Variants in MGMT observed in about 807,000 individuals in gnomAD.
The protein encoded by MGMT is methylated-DNA--protein-cysteine methyltransferase.
A neutral mutation model predicts 15.9 loss-of-function variants in MGMT; 14 were observed. The ratio of observed to expected loss-of-function variants is 0.88; its 90% CI spans 0.58 to 1.37. MGMT has a LOEUF of 1.37. Among genes scored for constraint, MGMT ranks in the 40% most tolerant of loss-of-function variants. The pLI is 0.00. For synonymous variants in MGMT, 130 were observed against 118.2 expected (o/e 1.10, Z -0.65); for missense variants, 282 against 268.1 (o/e 1.05, Z -0.36).
chr10:129,675,903 C>A (rs1847779968), intron 2 of MGMT, among the ~76,000 whole-genome samples: 1 of 152,146 alleles, frequency 6.6e-6, no homozygotes, highest in Non-Finnish European at 1.5e-5. Context: ...GGTCCCTTTT[C>A]CTTAAATCAA....
chr10:129,744,314 G>C (rs1848669241), intron 3 of MGMT, among the ~76,000 whole-genome samples: 1 of 152,238 alleles, frequency 6.6e-6, no homozygotes, highest in Non-Finnish European at 1.5e-5. Context: ...CTGGGCAGCT[G>C]TGCACAAGCT....
At chr10:129,610,347 C>T (rs1379209125) in intron 2 of MGMT, among the ~76,000 whole-genome samples, 1 of 152,206 alleles carries the variant, frequency 6.6e-6, no homozygotes, top group Non-Finnish European at 1.5e-5. Context: ...TCTCTAAACT[C>T]CTCTCCTCCA....
At chr10:129,703,242 A>G (rs1346346243) in intron 2 of MGMT, among the ~76,000 whole-genome samples, 1 of 152,210 alleles carries the variant, frequency 6.6e-6, no homozygotes, top group East Asian at 1.9e-4. Context: ...TCAATTTAAG[A>G]TGAATTTTAC....
intron 2 of MGMT, among the ~76,000 whole-genome samples, chr10:129,654,358 G>A (rs561372288): frequency 6.6e-6 from 1 of 152,226 alleles, no homozygotes; most frequent in Admixed American, 6.5e-5. Flanking sequence ...CTGCACGCGG[G>A]GTCGGGCACC....
chr10:129,592,486 A>T (rs2133054989), intron 2 of MGMT, among the ~76,000 whole-genome samples: 1 of 152,352 alleles, frequency 6.6e-6, no homozygotes, highest in Middle Eastern at 3.4e-3. Flanking sequence ...TTATAAAATT[A>T]TGCCTGGGTA....
chr10:129,491,090 C>G (rs1845465158), intron 1 of MGMT, among the ~76,000 whole-genome samples: 1 of 152,036 alleles, frequency 6.6e-6, no homozygotes, highest in East Asian at 1.9e-4. Context: ...CCATGCTTGC[C>G]CTCCAGTGCT....
chr10:129,729,374 C>T (rs1848471021), intron 3 of MGMT, among the ~76,000 whole-genome samples: 1 of 152,188 alleles, frequency 6.6e-6, no homozygotes, highest in South Asian at 2.1e-4. Context: ...AATGACTTTG[C>T]AAGCACCTTG....
At chr10:129,504,852 A>G (rs1845608981) in intron 1 of MGMT, among the ~76,000 whole-genome samples, 1 of 152,146 alleles carries the variant, frequency 6.6e-6, no homozygotes, top group African/African-American at 2.4e-5. Flanking sequence ...AGTCCTTGGC[A>G]ATTGATTGTA....
At chr10:129,709,373 C>T (rs752207373) in intron 3 of MGMT, among the ~76,000 whole-genome samples, 3 of 152,126 alleles carry the variant, frequency 2.0e-5, no homozygotes, top group Non-Finnish European at 2.9e-5. Context: ...CCTGATGGGC[C>T]GGGCACAGGG....
chr10:129,661,478 A>G (rs1847597359), intron 2 of MGMT, among the ~76,000 whole-genome samples: 2 of 152,182 alleles, frequency 1.3e-5, no homozygotes, highest in Admixed American at 6.5e-5. Context: ...AAAAGCTTAC[A>G]TTTGACAACT....
intron 2 of MGMT, among the ~76,000 whole-genome samples, chr10:129,695,245 T>G (rs956886025): frequency 1.3e-5 from 2 of 152,220 alleles, no homozygotes; most frequent in Admixed American, 1.3e-4. Context: ...AAACAAGGGC[T>G]TTCTATGAAG....
intron 2 of MGMT, among the ~76,000 whole-genome samples, chr10:129,684,879 C>T (rs1589935233): frequency 6.6e-6 from 1 of 152,198 alleles, no homozygotes; most frequent in African/African-American, 2.4e-5. Flanking sequence ...CAGTTCATGG[C>T]GAGAGACATC....
At chr10:129,631,453 A>C (rs971414976) in intron 2 of MGMT, among the ~76,000 whole-genome samples, 2 of 152,250 alleles carry the variant, frequency 1.3e-5, no homozygotes, top group African/African-American at 4.8e-5. Flanking sequence ...ATGATGGCTT[A>C]CATGTATGTA....
intron 2 of MGMT, among the ~76,000 whole-genome samples, chr10:129,646,749 TATA>T (rs1847396515): frequency 8.9e-6 from 1 of 112,230 alleles, no homozygotes; most frequent in Non-Finnish European, 1.9e-5. Flanking sequence ...TATATATATA[TATA>T]TATTTTCAGG....
At chr10:129,728,081 G>C (rs543724295) in intron 3 of MGMT, among the ~76,000 whole-genome samples, 1 of 152,170 alleles carries the variant, frequency 6.6e-6, no homozygotes, top group Admixed American at 6.5e-5. Flanking sequence ...AGCCAGGCTG[G>C]ACTTGAACAG....
At position 129,586,667 on chromosome 10, in the gene MGMT, G is replaced by T. The variant is rs757941280; in HGVS notation, c.125+50290G>T. ...ATTGAATATTGTTCTTTCTGCTTTC[G>T]GCTGTTGCAGACACTGCTATGAATA... On this transcript the variant is annotated intron_variant, in intron 2 of 4. Transcript: ENST00000651593. Among the ~76,000 whole-genome samples, 5 of 152,176 alleles carry T rather than the reference G, an allele frequency of 3.3e-5. No individual in the cohort carries two copies. The East Asian group carries it at 7.7e-4, about 24-fold the overall frequency.
intron 1 of MGMT, among the ~76,000 whole-genome samples, chr10:129,525,616 G>A (rs1845860516): frequency 6.6e-6 from 1 of 152,120 alleles, no homozygotes; most frequent in Non-Finnish European, 1.5e-5. Flanking sequence ...TCAGAAAGGT[G>A]CTGTGCGGTG....
chr10:129,634,158 T>C (rs1489677882), intron 2 of MGMT, among the ~76,000 whole-genome samples: 1 of 152,220 alleles, frequency 6.6e-6, no homozygotes, highest in Admixed American at 6.5e-5. Context: ...CCCAATACTT[T>C]ACAGATTTTG....
chr10:129,542,846 G>A (rs1411889663), intron 2 of MGMT, among the ~76,000 whole-genome samples: 2 of 152,172 alleles, frequency 1.3e-5, no homozygotes, highest in East Asian at 1.9e-4. Context: ...GCCTGTCCAC[G>A]CTGACGGATG....
Sources: gnomAD v4.1 joint callset for allele counts (sites outside exome capture counted in the v4.1 genomes callset) on GRCh38, gnomAD v4.1.1 for gene constraint, MANE v1.5 for transcripts, NCBI Gene and HGNC (gene_info 2026-07-23, HGNC 2026-07-21) for gene names.